TRRAP: variants seen among roughly 807,000 people sequenced by gnomAD.
TRRAP encodes transformation/transcription domain associated protein.
TRRAP carries 41 observed loss-of-function variants against 438.8 expected under a neutral mutation model. The ratio of observed to expected loss-of-function variants is 0.09; its 90% CI spans 0.07 to 0.12. The LOEUF is 0.12. Among genes scored for constraint, TRRAP ranks in the 10% least tolerant of loss-of-function variants. TRRAP has a pLI of 1.00. For synonymous variants in TRRAP, 1,994 were observed against 1,962.9 expected, an observed-to-expected ratio of 1.02 and a Z score of -0.42; for missense variants, 3,122 against 5,055.1, an observed-to-expected ratio of 0.62 and a Z score of 11.60.
chr7:98,890,089 A>G (rs1479373970), intron 3 of TRRAP, among the ~76,000 whole-genome samples: 1 of 152,226 alleles, frequency 6.6e-6, no homozygotes, highest in Non-Finnish European at 1.5e-5. Flanking sequence ...TTCCAGGTTC[A>G]GCATTTCCCA....
At chr7:98,993,307 A>T (rs1036015877) in intron 65 of TRRAP, among the ~76,000 whole-genome samples, 1 of 152,236 alleles carries the variant, frequency 6.6e-6, no homozygotes, top group Non-Finnish European at 1.5e-5. Flanking sequence ...TATTTAATGG[A>T]ATGGATTGAA....
At chr7:98,918,042 C>T (rs1378432663) in intron 20 of TRRAP, among the ~76,000 whole-genome samples, 1 of 151,432 alleles carries the variant, frequency 6.6e-6, no homozygotes, top group Non-Finnish European at 1.5e-5. Context: ...ATCACCTGAG[C>T]CCAGGGAGGT....
chr7:98,924,861 G>C (rs575503758), intron 21 of TRRAP, among the ~76,000 whole-genome samples: 2 of 151,356 alleles, frequency 1.3e-5, no homozygotes, highest in East Asian at 3.9e-4. Flanking sequence ...AAACTTAGCT[G>C]GGCGTGGTGG....
rs1794450268 is a variant in TRRAP at position 99,011,987 on chromosome 7, G to C, written c.11338-84G>C. On this transcript the variant is annotated intron_variant, in intron 72 of 72. Transcript: ENST00000456197. The surrounding 1 kb of genome is among the most constrained non-coding windows in gnomAD (Gnocchi z 7.1). ...CTTGGTGGCCCTGAGCGGCCGCTGT[G>C]GTTGAGTCCCACCTTGTTAGGAAGC... 8 of 1,536,200 alleles carry C rather than the reference G, an allele frequency of 5.2e-6. No individual in the cohort carries two copies. Among genetic ancestry groups the C allele is most frequent in the South Asian group, 1.3e-5 (1 of 78,804 alleles).
At chr7:98,970,350 C>A in intron 52 of TRRAP, 59 bp downstream of exon 52, 5 of 1,573,664 alleles carry the variant, frequency 3.2e-6, no homozygotes, top group Non-Finnish European at 4.3e-6. Flanking sequence ...CCACACCCCA[C>A]GGGCAGAATC....
At chr7:98,951,285 A>G (rs1472258728) in intron 39 of TRRAP, among the ~76,000 whole-genome samples, 4 of 152,198 alleles carry the variant, frequency 2.6e-5, no homozygotes, top group Non-Finnish European at 4.4e-5. Context: ...ATGAAAATTC[A>G]TATAGCAGTT....
In TRRAP at chr7:98,927,090, A is replaced by G. The variant is rs934217909; in HGVS notation, c.2976-77A>G. The G allele has an allele frequency of 5.3e-6, 8 of 1,521,894 alleles. No individual in the cohort carries two copies. In the African/African-American group the frequency reaches 1.1e-4, roughly 21 times the overall value. 94.3% of individuals were successfully genotyped at this position (1,521,894 alleles called of 1,614,324 possible). On this transcript the variant is annotated intron_variant, in intron 22 of 72. Coordinates refer to ENST00000456197, the MANE Select transcript of TRRAP (RefSeq NM_001375524.1). ...TAAGAGGGAAGCAAGCAGATTAAAA[A>G]TTTGAAAAGAAGTCCTAGTGGAGTC...
chr7:98,896,540 G>A (rs1796213858), intron 7 of TRRAP, among the ~76,000 whole-genome samples: 1 of 151,918 alleles, frequency 6.6e-6, no homozygotes, highest in African/African-American at 2.4e-5. Context: ...CTCCCAAGTA[G>A]CTGGGATTAC....
intron 28 of TRRAP, among the ~76,000 whole-genome samples, 200 bp downstream of exon 28, chr7:98,935,875 A>T (rs1790531669): frequency 6.6e-6 from 1 of 152,194 alleles, no homozygotes; most frequent in Non-Finnish European, 1.5e-5. Context: ...TGTTGTTAGG[A>T]TTGAAGTAAT....
intron 14 of TRRAP, 74 bp downstream of exon 14, chr7:98,909,036 T>C: frequency 7.1e-7 from 1 of 1,404,104 alleles, no homozygotes; most frequent in South Asian, 1.4e-5. Context: ...TTTTTTTTTT[T>C]TTTTTGAGAC....
intron 45 of TRRAP, among the ~76,000 whole-genome samples, chr7:98,960,006 G>T (rs554710238): frequency 2.0e-5 from 3 of 151,888 alleles, no homozygotes; most frequent in Admixed American, 1.3e-4. Context: ...TTTCATGCTG[G>T]CCCCAACTAC....
intron 47 of TRRAP, among the ~76,000 whole-genome samples, chr7:98,964,317 A>G (rs1057496320): frequency 6.6e-6 from 1 of 152,112 alleles, no homozygotes; most frequent in African/African-American, 2.4e-5. Context: ...CAAACCTATT[A>G]TAGGAGTAAA....
chr7:98,988,897 T>C lies in TRRAP; in HGVS notation c.9522T>C (p.Ser3174=). 1 of 1,614,174 alleles carries C rather than the reference T, an allele frequency of 6.2e-7. No homozygotes were observed. Among genetic ancestry groups the C allele is most frequent in the Non-Finnish European group, 8.5e-7 (1 of 1,180,034 alleles). ...AGCGGCAGCTGCACCTGGGCGTGTC[T>C]GCCATCACCTGCTACCTGCACGCCT... ...VKERQLHLGV[S]AITCYLHACR... is the part of the protein sequence containing the mutation. The change falls in exon 63 of 73, where the codon TCT becomes TCC. Residue 3174 remains serine, a synonymous_variant. Transcript: ENST00000456197.
At chr7:98,958,402 C>T (rs1376326497) in intron 44 of TRRAP, among the ~76,000 whole-genome samples, 2 of 151,884 alleles carry the variant, frequency 1.3e-5, no homozygotes, top group South Asian at 2.1e-4. Context: ...CAGGTTCAAG[C>T]GATTCTCGTC....
At chr7:98,970,010 G>T in intron 51 of TRRAP, 102 bp from the exon 52 acceptor site, 3 of 1,405,382 alleles carry the variant, frequency 2.1e-6, no homozygotes, top group Non-Finnish European at 9.8e-7. Flanking sequence ...TGGACCTGCA[G>T]AGTCAGAGGT....
chr7:99,010,433 C>T (rs969191922), intron 70 of TRRAP, among the ~76,000 whole-genome samples: 7 of 152,216 alleles, frequency 4.6e-5, no homozygotes, highest in Admixed American at 1.3e-4. Flanking sequence ...GGCAGAAGGG[C>T]CTGCTTTCTC....
chr7:98,933,495 G>GA, intron 27 of TRRAP, 93 bp downstream of exon 27: 1 of 1,492,800 alleles, frequency 6.7e-7, no homozygotes, highest in South Asian at 1.4e-5. Context: ...GCAGCATTCA[G>GA]AGAAGGCTCG....
rs782258664 is a variant in TRRAP at position 98,931,629 on chromosome 7, G to C, written c.3816G>C (p.Gly1272=). The change falls in exon 26 of 73, where the codon GGG becomes GGC. Residue 1272 remains glycine (G), a synonymous_variant. Coordinates refer to ENST00000456197, the MANE Select transcript of TRRAP (RefSeq NM_001375524.1). ...TGCAGGTGTTGGCCCAGGTCACTGG[G>C]AAGAGTGTCACGGTGATCATGGAAC... ...HSLQVLAQVT[G]KSVTVIMEPH... 3.1e-6 allele frequency: 5 copies of C among 1,614,108 alleles called. No individual in the cohort carries two copies. Among genetic ancestry groups the C allele is most frequent in the Non-Finnish European group, 2.5e-6 (3 of 1,180,050 alleles).
At chr7:98,943,124 C>A in intron 31 of TRRAP, 107 bp downstream of exon 31, 1 of 1,171,834 alleles carries the variant, frequency 8.5e-7, no homozygotes, top group Non-Finnish European at 1.2e-6. Flanking sequence ...CCTAGTTTGA[C>A]GTGATTGTAG....
Sources: allele counts gnomAD v4.1 joint callset (sites outside exome capture counted in the v4.1 genomes callset), GRCh38; gene constraint gnomAD v4.1.1; non-coding constraint Gnocchi (gnomAD v3.1); transcripts MANE v1.5; gene names NCBI Gene and HGNC (gene_info 2026-07-23, HGNC 2026-07-21).